The following PLA2G4A variants were observed in gnomAD, a reference collection of about 807,000 sequenced individuals.
PLA2G4A encodes cytosolic phospholipase A2.
A neutral mutation model predicts 81.9 loss-of-function variants in PLA2G4A; 40 were observed. The ratio of observed to expected loss-of-function variants is 0.49; its 90% CI spans 0.38 to 0.64. The LOEUF is 0.64. Among genes scored for constraint, PLA2G4A ranks in the 30% least tolerant of loss-of-function variants. The probability of loss-of-function intolerance (pLI) is 0.00; values close to 1 mark genes in which losing one functional copy is unlikely to be tolerated. For synonymous variants in PLA2G4A, 302 were observed against 296.9 expected (o/e 1.02, Z -0.18); for missense variants, 715 against 905.1 (o/e 0.79, Z 2.69).
At chr1:186,986,803 C>A (rs1434413899) in intron 17 of PLA2G4A, among the ~76,000 whole-genome samples, 3 of 152,160 alleles carry the variant, frequency 2.0e-5, no homozygotes, top group Non-Finnish European at 4.4e-5. Context: ...ACTAATTGCC[C>A]TCCATCTCAC....
intron 7 of PLA2G4A, among the ~76,000 whole-genome samples, chr1:186,920,885 G>A (rs776184686): frequency 9.9e-5 from 15 of 152,160 alleles, no homozygotes; most frequent in East Asian, 5.8e-4. Context: ...GTATTCATAT[G>A]CGCAAACCCA....
At chr1:186,951,894 G>GC (rs963154609) in intron 13 of PLA2G4A, among the ~76,000 whole-genome samples, 4 of 152,016 alleles carry the variant, frequency 2.6e-5, no homozygotes, top group Admixed American at 6.6e-5. Context: ...GCCCTGATTT[G>GC]CCCCCCTATC....
At chr1:186,961,804 G>C (rs1356241803) in intron 14 of PLA2G4A, among the ~76,000 whole-genome samples, 1 of 152,062 alleles carries the variant, frequency 6.6e-6, no homozygotes, top group Non-Finnish European at 1.5e-5. Context: ...TTAGATTAGG[G>C]AAAATCACTG....
chr1:186,861,640 A>G (rs1182034396), intron 2 of PLA2G4A, among the ~76,000 whole-genome samples: 1 of 152,100 alleles, frequency 6.6e-6, no homozygotes, highest in Non-Finnish European at 1.5e-5. Flanking sequence ...AAAAAGTTGG[A>G]TAATCATCCT....
At chr1:186,880,948 T>G (rs916821202) in intron 3 of PLA2G4A, among the ~76,000 whole-genome samples, 2 of 152,042 alleles carry the variant, frequency 1.3e-5, no homozygotes, top group Non-Finnish European at 2.9e-5. Context: ...TTAGTCTTCT[T>G]TGTGTTGTTT....
intron 15 of PLA2G4A, among the ~76,000 whole-genome samples, chr1:186,970,325 G>A (rs1657305875): frequency 6.6e-6 from 1 of 152,008 alleles, no homozygotes; most frequent in African/African-American, 2.4e-5. Context: ...CAGATGGATA[G>A]TCTGCAAATA....
chr1:186,830,608 C>CAAA lies in PLA2G4A; in HGVS notation c.-70+1595_-70+1597dup, dbSNP rs55745208. Among the ~76,000 whole-genome samples, 302 of 72,338 alleles carry CAAA rather than the reference C, an allele frequency of 4.2e-3. 10 individuals carry two copies. The highest frequency in any genetic ancestry group is 0.011 in the African/African-American group (209 of 18,532). 47.5% of individuals were successfully genotyped at this position (72,338 alleles called of 152,430 possible). A position where few individuals can be genotyped will look rare whatever the true frequency, so the allele number is the denominator to read the frequency against. On this transcript the variant is annotated intron_variant, in intron 1 of 17. Transcript: ENST00000367466. ...GAGCGAAAACAGCGAAGCTCTGTCT[C>CAAA]AAAAAAAAAAAAAAAAAAAAAAAAG...
chr1:186,955,987 G>T (rs111447210), intron 13 of PLA2G4A, 115 bp from the exon 14 acceptor site: 36,942 of 832,748 alleles, frequency 0.044, 1,024 homozygotes, highest in Non-Finnish European at 0.056. Context: ...TGATCCGCCC[G>T]CCTTGGCCTC....
At chr1:186,881,554 G>A (rs887749786) in intron 3 of PLA2G4A, among the ~76,000 whole-genome samples, 6 of 152,100 alleles carry the variant, frequency 3.9e-5, no homozygotes, top group African/African-American at 1.2e-4. Flanking sequence ...GGGAGCAGGG[G>A]CTGCTACATG....
chr1:186,914,562 A>G (rs1655074346), intron 7 of PLA2G4A, among the ~76,000 whole-genome samples: 1 of 152,128 alleles, frequency 6.6e-6, no homozygotes, highest in Admixed American at 6.5e-5. Flanking sequence ...CATTTGAGCA[A>G]GCAGGGGGTA....
intron 1 of PLA2G4A, among the ~76,000 whole-genome samples, chr1:186,837,599 T>A (rs1571321537): frequency 6.8e-6 from 1 of 146,184 alleles, no homozygotes; most frequent in Admixed American, 6.8e-5. Context: ...TAGCCGGGCG[T>A]GGTGGCGGGC....
chr1:186,887,463 G>T (rs1031262060), intron 3 of PLA2G4A, among the ~76,000 whole-genome samples: 1 of 152,072 alleles, frequency 6.6e-6, no homozygotes, highest in African/African-American at 2.4e-5. Context: ...TATTTCTGGT[G>T]CATGTAGTTT....
chr1:186,870,508 G>A lies in PLA2G4A; in HGVS notation c.107G>A (p.Gly36Asp). Residue 36 changes from glycine (G) to aspartate (D), a missense_variant, in exon 3 of 18, where the codon GGT (glycine) becomes GAT (aspartate). Gly to Asp is a moderately conservative substitution (Grantham distance 94). Transcript: ENST00000367466. ...ACCAAAGTGACAAAGGGGGCCTTTG[G>A]TGACATGCGTAAGTGCCCTTTTTTT... The part of the protein sequence containing the change: ...RATKVTKGAF[G>D]DMLDTPDPYV... The A allele has an allele frequency of 1.2e-6, 2 of 1,607,776 alleles. No homozygotes were observed. The highest frequency in any genetic ancestry group is 2.2e-5 in the East Asian group (1 of 44,836).
chr1:186,928,107 T>C (rs1021115033), intron 7 of PLA2G4A, among the ~76,000 whole-genome samples: 2 of 151,906 alleles, frequency 1.3e-5, no homozygotes, highest in Non-Finnish European at 2.9e-5. Context: ...AGTGGTGGGA[T>C]ATAAACAGCC....
At chr1:186,887,460 G>A (rs1379331708) in intron 3 of PLA2G4A, among the ~76,000 whole-genome samples, 1 of 152,038 alleles carries the variant, frequency 6.6e-6, no homozygotes, top group East Asian at 1.9e-4. Flanking sequence ...AGCTATTTCT[G>A]GTGCATGTAG....
rs12720544 is a variant in PLA2G4A, at chr1:186,906,357, T to C, written c.379-608T>C. 5.3e-3 allele frequency among the ~76,000 whole-genome samples: 808 copies of C among 152,350 alleles called. 7 individuals carry two copies. Among genetic ancestry groups the C allele is most frequent in the African/African-American group, 0.018 (749 of 41,586 alleles). ...TCTGGCAGGATGTCCTCCTTCAATA[T>C]GTTTGATAGGCTCAAATAGTGTTGA... On this transcript the variant is annotated intron_variant, in intron 5 of 17. Transcript: ENST00000367466.
At chr1:186,869,660 C>A (rs1162348279) in intron 2 of PLA2G4A, among the ~76,000 whole-genome samples, 1 of 152,130 alleles carries the variant, frequency 6.6e-6, no homozygotes, top group Non-Finnish European at 1.5e-5. Flanking sequence ...ACCAGTTAAG[C>A]AAGCCTACTA....
At chr1:186,864,205 G>A (rs995158915) in intron 2 of PLA2G4A, among the ~76,000 whole-genome samples, 2 of 151,926 alleles carry the variant, frequency 1.3e-5, no homozygotes, top group African/African-American at 4.8e-5. Flanking sequence ...ATCCATTGAT[G>A]GGCACTTAGG....
At chr1:186,875,987 T>C (rs1653483193) in intron 3 of PLA2G4A, among the ~76,000 whole-genome samples, 1 of 152,108 alleles carries the variant, frequency 6.6e-6, no homozygotes, top group Non-Finnish European at 1.5e-5. Flanking sequence ...AAAAAGTTTT[T>C]TTGAATGTTT....
Sources: gnomAD v4.1 joint callset for allele counts (sites outside exome capture counted in the v4.1 genomes callset) on GRCh38, gnomAD v4.1.1 for gene constraint, MANE v1.5 for transcripts, NCBI Gene and HGNC (gene_info 2026-07-23, HGNC 2026-07-21) for gene names.